SCHIP1: variants seen among roughly 807,000 people sequenced by gnomAD.
SCHIP1 encodes schwannomin-interacting protein 1.
A neutral mutation model predicts 29.7 loss-of-function variants in SCHIP1; 8 were observed. The observed-to-expected ratio is 0.27, with a 90% confidence interval of 0.16 to 0.49. SCHIP1 has a LOEUF of 0.49. Ranked by LOEUF, SCHIP1 falls within the 20% of genes least tolerant of loss-of-function variation. The probability of loss-of-function intolerance (pLI) is 0.99; values close to 1 mark genes in which losing one functional copy is unlikely to be tolerated. For missense variants in SCHIP1, 193 were observed against 294.6 expected, an observed-to-expected ratio of 0.66 and a Z score of 2.52; for synonymous variants, 76 against 94.9, an observed-to-expected ratio of 0.80 and a Z score of 1.16.
At chr3:159,733,115 C>G in the SCHIP1 span, among the ~76,000 whole-genome samples, 1 of 152,264 alleles carries the variant, frequency 6.6e-6, no homozygotes, top group Non-Finnish European at 1.5e-5. Context: ...TCTGTGTCAT[C>G]CACAGAAACA....
the SCHIP1 span, among the ~76,000 whole-genome samples, chr3:159,409,985 AC>A: frequency 6.6e-6 from 1 of 152,078 alleles, no homozygotes; most frequent in African/African-American, 2.4e-5. Flanking sequence ...TCTACAGTGA[AC>A]TCATTTTTGA....
upstream of SCHIP1, chr3:159,839,757 C>T: frequency 2.1e-6 from 1 of 468,370 alleles, no homozygotes; most frequent in Non-Finnish European, 3.3e-6. Context: ...CCCTCTCCCT[C>T]TCCCTCGCTG....
At chr3:159,519,307 G>C in the SCHIP1 span, among the ~76,000 whole-genome samples, 2 of 152,110 alleles carry the variant, frequency 1.3e-5, no homozygotes, top group African/African-American at 4.8e-5. Flanking sequence ...TCCAACTACA[G>C]GCTTGATTTG....
the SCHIP1 span, among the ~76,000 whole-genome samples, chr3:159,492,079 C>A: frequency 1.3e-5 from 2 of 152,072 alleles, no homozygotes; most frequent in Non-Finnish European, 2.9e-5. Flanking sequence ...GAAAGGACAT[C>A]CACACCAAAA....
the SCHIP1 span, among the ~76,000 whole-genome samples, chr3:159,327,667 A>C: frequency 6.6e-6 from 1 of 152,178 alleles, no homozygotes; most frequent in Non-Finnish European, 1.5e-5. Flanking sequence ...AATCAGGCTG[A>C]TATTTTCTTC....
the SCHIP1 span, among the ~76,000 whole-genome samples, chr3:159,411,045 T>C: frequency 1.2e-4 from 18 of 152,240 alleles, no homozygotes; most frequent in African/African-American, 4.1e-4. Flanking sequence ...ACTTTGCGTG[T>C]TCTCACTTAT....
the SCHIP1 span, among the ~76,000 whole-genome samples, chr3:159,317,939 G>A: frequency 4.6e-5 from 7 of 152,178 alleles, no homozygotes; most frequent in Middle Eastern, 3.2e-3. Context: ...CCACCAGGTA[G>A]CTGGCTGGTC....
At chr3:159,865,187 C>T (rs1223149573) in intron 1 of SCHIP1, among the ~76,000 whole-genome samples, 1 of 152,178 alleles carries the variant, frequency 6.6e-6, no homozygotes, top group Non-Finnish European at 1.5e-5. Flanking sequence ...ACCCCTTGCT[C>T]AGTGTATAAA....
chr3:159,626,126 A>C, the SCHIP1 span, among the ~76,000 whole-genome samples: 42 of 123,672 alleles, frequency 3.4e-4, 4 homozygotes, highest in East Asian at 1.6e-3. Context: ...AGATAGATAG[A>C]TAGATAGATA....
chr3:159,859,018 G>A (rs888394753), intron 1 of SCHIP1, among the ~76,000 whole-genome samples: 19 of 152,224 alleles, frequency 1.2e-4, no homozygotes, highest in Non-Finnish European at 2.5e-4. Flanking sequence ...AAAATGAAAA[G>A]AAAGTGTCCT....
At chr3:159,796,533 G>C in the SCHIP1 span, among the ~76,000 whole-genome samples, 1 of 152,152 alleles carries the variant, frequency 6.6e-6, no homozygotes, top group Non-Finnish European at 1.5e-5. Flanking sequence ...TGAACATAGC[G>C]TGACTGGAGC....
rs763889261 is a variant in SCHIP1, at chr3:159,842,993, ATTTC to A, written c.30+2787_30+2790del. Among the ~76,000 whole-genome samples the A allele has an allele frequency of 8.3e-4, 40 of 48,098 alleles. 5 individuals are homozygous for A. The Middle Eastern group carries it at 0.042, about 50-fold the overall frequency. 31.6% of individuals were successfully genotyped at this position (48,098 alleles called of 152,430 possible). A position where few individuals can be genotyped will look rare whatever the true frequency, so the allele number is the denominator to read the frequency against. ...TCCAGCTCTCCAGTTCTATCCCAAT[ATTTC>A]TTTCTTTTTTTTTTTTTTTTTTTTT... On this transcript the variant is annotated intron_variant, in intron 1 of 6. Transcript: ENST00000445224.
chr3:159,483,415 C>A, the SCHIP1 span, among the ~76,000 whole-genome samples: 1 of 152,116 alleles, frequency 6.6e-6, no homozygotes, highest in African/African-American at 2.4e-5. Flanking sequence ...GACATTTGAA[C>A]CCTGCAGGCA....
the SCHIP1 span, among the ~76,000 whole-genome samples, chr3:159,363,521 C>T: frequency 1.3e-5 from 2 of 152,126 alleles, no homozygotes; most frequent in Admixed American, 6.5e-5. Flanking sequence ...AGCCATTGCC[C>T]CTCCCCACCA....
At chr3:159,441,045 G>A in the SCHIP1 span, among the ~76,000 whole-genome samples, 1 of 152,132 alleles carries the variant, frequency 6.6e-6, no homozygotes, top group African/African-American at 2.4e-5. Flanking sequence ...CTTGTTACAT[G>A]CAAAAGCATG....
At chr3:159,361,141 T>TAAATA in the SCHIP1 span, among the ~76,000 whole-genome samples, 7 of 152,234 alleles carry the variant, frequency 4.6e-5, no homozygotes, top group South Asian at 1.0e-3. Context: ...ACCATAGACA[T>TAAATA]AATAAATAAA....
the SCHIP1 span, among the ~76,000 whole-genome samples, chr3:159,366,088 T>A: frequency 1.3e-5 from 2 of 152,192 alleles, no homozygotes; most frequent in Non-Finnish European, 2.9e-5. Flanking sequence ...TGGCATCTGC[T>A]TGGCTTCTAG....
At chr3:159,283,056 C>T in the SCHIP1 span, among the ~76,000 whole-genome samples, 4 of 151,870 alleles carry the variant, frequency 2.6e-5, no homozygotes, top group African/African-American at 4.8e-5. Flanking sequence ...CATCTAGGAA[C>T]GCTGTGTAGA....
the SCHIP1 span, among the ~76,000 whole-genome samples, chr3:159,566,722 G>A: frequency 2.8e-4 from 42 of 152,184 alleles, no homozygotes; most frequent in African/African-American, 9.6e-4. Context: ...GAAACAAGGA[G>A]GCCAGTGTGG....
Sources: allele counts gnomAD v4.1 joint callset (sites outside exome capture counted in the v4.1 genomes callset), GRCh38; gene constraint gnomAD v4.1.1; transcripts MANE v1.5; gene names NCBI Gene and HGNC (gene_info 2026-07-23, HGNC 2026-07-21).